The following GPC6 variants were observed in gnomAD, a reference collection of about 807,000 sequenced individuals.
GPC6 encodes the protein glypican 6, also known as glypican-6.
Under a neutral mutation model 55.2 loss-of-function variants are expected in GPC6, and 14 were observed. The ratio of observed to expected loss-of-function variants is 0.25; its 90% confidence interval spans 0.17 to 0.40. GPC6 has a LOEUF of 0.40. Ranked by LOEUF, GPC6 falls within the 10% of genes least tolerant of loss-of-function variation. The pLI, the probability that GPC6 is intolerant of heterozygous loss-of-function variation, is 1.00. For missense variants in GPC6, 641 were observed against 708.5 expected (o/e 0.90, Z 1.08); for synonymous variants, 278 against 259.6 (o/e 1.07, Z -0.68).
intron 4 of GPC6, among the ~76,000 whole-genome samples, chr13:94,198,855 C>G (rs933918007): frequency 6.6e-6 from 1 of 152,086 alleles, no homozygotes; most frequent in Non-Finnish European, 1.5e-5. Flanking sequence ...GGATTCACAC[C>G]CTGAAGCTGT....
At chr13:94,049,506 G>A (rs1227253114) in intron 4 of GPC6, among the ~76,000 whole-genome samples, 1 of 152,208 alleles carries the variant, frequency 6.6e-6, no homozygotes, top group Admixed American at 6.5e-5. Flanking sequence ...CATGAGATCT[G>A]CTTTCTAAGA....
chr13:93,253,248 C>T (rs748951846), intron 1 of GPC6, among the ~76,000 whole-genome samples: 9 of 152,004 alleles, frequency 5.9e-5, no homozygotes, highest in Non-Finnish European at 1.0e-4. Context: ...AAAGTCAGGC[C>T]TAGGGATAAA....
intron 1 of GPC6, among the ~76,000 whole-genome samples, chr13:93,271,266 T>C (rs1400144753): frequency 1.3e-5 from 2 of 152,184 alleles, no homozygotes; most frequent in African/African-American, 4.8e-5. Flanking sequence ...TCTTCTGCTT[T>C]GTGTAATTTT....
At chr13:93,324,679 A>T (rs1001817669) in intron 1 of GPC6, among the ~76,000 whole-genome samples, 6 of 150,676 alleles carry the variant, frequency 4.0e-5, no homozygotes, top group South Asian at 4.2e-4. Flanking sequence ...AAAAATAAAA[A>T]TTTTTAAAAA....
chr13:93,552,606 A>C (rs566485974), intron 2 of GPC6, among the ~76,000 whole-genome samples: 1 of 152,262 alleles, frequency 6.6e-6, no homozygotes, highest in Non-Finnish European at 1.5e-5. Flanking sequence ...TCTAATTCTA[A>C]GACCCCTACC....
intron 2 of GPC6, among the ~76,000 whole-genome samples, chr13:93,822,421 G>A (rs78564404): frequency 0.021 from 3,248 of 151,956 alleles, 57 homozygotes; most frequent in South Asian, 0.065. Context: ...TAATATTAAG[G>A]GGACAATAAT....
At chr13:93,559,941 C>T (rs1283946635) in intron 2 of GPC6, among the ~76,000 whole-genome samples, 1 of 152,128 alleles carries the variant, frequency 6.6e-6, no homozygotes, top group Non-Finnish European at 1.5e-5. Context: ...GAGGCCAAGA[C>T]ATTAAGATTC....
chr13:94,145,659 C>T (rs1297659937), intron 4 of GPC6, among the ~76,000 whole-genome samples: 1 of 152,114 alleles, frequency 6.6e-6, no homozygotes, highest in African/African-American at 2.4e-5. Flanking sequence ...ATTCAGTAAA[C>T]TGTTATGACG....
chr13:93,729,214 A>G (rs1883743617), intron 2 of GPC6, among the ~76,000 whole-genome samples: 1 of 152,148 alleles, frequency 6.6e-6, no homozygotes, highest in Admixed American at 6.6e-5. Context: ...CCAGAGGAAA[A>G]TTCAGTGGGC....
intron 1 of GPC6, chr13:93,395,678 C>G (rs186098394): frequency 6.5e-6 from 1 of 154,982 alleles, no homozygotes; most frequent in East Asian, 1.9e-4. Flanking sequence ...GATGACAAAC[C>G]AAAATCCCCT....
chr13:94,139,308 T>G (rs1887290061), intron 4 of GPC6, among the ~76,000 whole-genome samples: 1 of 152,152 alleles, frequency 6.6e-6, no homozygotes, highest in Non-Finnish European at 1.5e-5. Flanking sequence ...ACCCCATACA[T>G]TTATGCAAAT....
chr13:93,295,586 T>C (rs1393600255), intron 1 of GPC6, among the ~76,000 whole-genome samples: 2 of 151,870 alleles, frequency 1.3e-5, no homozygotes, highest in African/African-American at 4.8e-5. Context: ...GTTCACACCA[T>C]TCTCCTGCCT....
At chr13:93,727,468 G>A (rs1883684083) in intron 2 of GPC6, among the ~76,000 whole-genome samples, 1 of 151,622 alleles carries the variant, frequency 6.6e-6, no homozygotes, top group Admixed American at 6.6e-5. Context: ...TCTCCTGAGT[G>A]GTCTCCCAGC....
intron 2 of GPC6, among the ~76,000 whole-genome samples, chr13:93,550,325 A>G (rs1195946541): frequency 6.6e-6 from 1 of 152,118 alleles, no homozygotes; most frequent in East Asian, 1.9e-4. Flanking sequence ...GAGCTGAAAT[A>G]TATTCACATT....
At chr13:93,386,393 C>A (rs755973623) in intron 1 of GPC6, among the ~76,000 whole-genome samples, 4 of 152,170 alleles carry the variant, frequency 2.6e-5, no homozygotes, top group Non-Finnish European at 4.4e-5. Flanking sequence ...CCTTTTTCCT[C>A]TTGTCAGGAA....
intron 4 of GPC6, among the ~76,000 whole-genome samples, chr13:94,133,199 ACT>A (rs35842049): frequency 0.43 from 62,374 of 145,390 alleles, 14,623 homozygotes; most frequent in Middle Eastern, 0.57. Flanking sequence ...CGACTATATG[ACT>A]CTGTCTCGAT....
intron 1 of GPC6, among the ~76,000 whole-genome samples, chr13:93,309,792 G>A (rs1879003803): frequency 6.6e-6 from 1 of 152,204 alleles, no homozygotes; most frequent in South Asian, 2.1e-4. Context: ...CAGTGTAATA[G>A]TTATTGTTTC....
At chr13:93,540,561 T>G (rs1179745023) in intron 1 of GPC6, among the ~76,000 whole-genome samples, 1 of 152,186 alleles carries the variant, frequency 6.6e-6, no homozygotes, top group Non-Finnish European at 1.5e-5. Flanking sequence ...TGGCATAAAA[T>G]AATTATACAA....
chr13:93,520,979 C>A (rs2813605), intron 1 of GPC6, among the ~76,000 whole-genome samples: 143,320 of 152,006 alleles, frequency 0.94, 68,130 homozygotes, highest in East Asian at 1. Flanking sequence ...GTAATCTCTA[C>A]ATTATCTTTT....
Sources: gnomAD v4.1 joint callset for allele counts (sites outside exome capture counted in the v4.1 genomes callset) on GRCh38, gnomAD v4.1.1 for gene constraint, MANE v1.5 for transcripts, NCBI Gene and HGNC (gene_info 2026-07-23, HGNC 2026-07-21) for gene names.